Variants in WDFY4 observed in about 807,000 individuals in gnomAD.
The protein encoded by WDFY4 is WD repeat- and FYVE domain-containing protein 4.
WDFY4 carries 169 observed loss-of-function variants against 351.9 expected under a neutral mutation model. That is an observed-to-expected ratio of 0.48 (90% CI 0.42 to 0.55). The LOEUF (loss-of-function observed/expected upper bound fraction) is 0.55. Ranked by LOEUF, WDFY4 falls within the 20% of genes least tolerant of loss-of-function variation. The pLI is 0.00. For missense variants in WDFY4, 3,803 were observed against 3,935.6 expected, an observed-to-expected ratio of 0.97 and a Z score of 0.90; for synonymous variants, 1,622 against 1,574.6, an observed-to-expected ratio of 1.03 and a Z score of -0.71.
chr10:48,836,325 C>A (rs767299856), intron 39 of WDFY4, among the ~76,000 whole-genome samples: 2 of 152,172 alleles, frequency 1.3e-5, no homozygotes, highest in African/African-American at 4.8e-5. Flanking sequence ...AATATGCCCA[C>A]ATCATTAGTC....
At position 48,832,603 on chromosome 10, in the gene WDFY4, C is replaced by T; in HGVS notation, c.6557C>T (p.Ser2186Leu). The T allele has an allele frequency of 6.5e-7, 1 of 1,548,856 alleles. No homozygotes were observed. The highest frequency in any genetic ancestry group is 8.7e-7 in the Non-Finnish European group (1 of 1,145,212). The change falls in exon 39 of 62, where the codon TCA (serine) becomes TTA (leucine). Residue 2186 changes from serine (S) to leucine (L), a missense_variant. Transcript: ENST00000325239. Reference protein sequence around the residue: ...ASEKKSLASRSNVAHHSKVTL... With the variant: ...ASEKKSLASRLNVAHHSKVTL... ...GAGAAGAAGTCACTGGCAAGTCGTT[C>T]AAATGTTGCACACCACAGCAAAGTC...
chr10:48,785,672 C>T (rs1485123926), intron 19 of WDFY4, among the ~76,000 whole-genome samples: 1 of 152,132 alleles, frequency 6.6e-6, no homozygotes, highest in Non-Finnish European at 1.5e-5. Flanking sequence ...TCTGGGTTCT[C>T]TATTCTGTTC....
chr10:48,686,040 G>A (rs2063037095), intron 1 of WDFY4, among the ~76,000 whole-genome samples: 1 of 152,078 alleles, frequency 6.6e-6, no homozygotes. Context: ...GGAGGTTGGT[G>A]TGGCAGAGCC....
At chr10:48,952,733 G>C (rs1841387883) in intron 51 of WDFY4, among the ~76,000 whole-genome samples, 1 of 152,064 alleles carries the variant, frequency 6.6e-6, no homozygotes, top group Non-Finnish European at 1.5e-5. Flanking sequence ...ATTTAGAAAA[G>C]AGCCACCACC....
At chr10:48,710,870 T>C (rs1275091524) in intron 2 of WDFY4, among the ~76,000 whole-genome samples, 1 of 152,212 alleles carries the variant, frequency 6.6e-6, no homozygotes, top group Non-Finnish European at 1.5e-5. Flanking sequence ...ATTTCCTTTG[T>C]TATCTGGGAG....
intron 31 of WDFY4, 57 bp downstream of exon 31, chr10:48,814,139 G>A: frequency 6.8e-7 from 1 of 1,463,242 alleles, no homozygotes; most frequent in Non-Finnish European, 9.1e-7. Flanking sequence ...AGGCCAGTTT[G>A]GAAGGGTCAC....
intron 23 of WDFY4, among the ~76,000 whole-genome samples, chr10:48,794,563 T>C (rs1019657435): frequency 2.6e-5 from 4 of 151,830 alleles, no homozygotes; most frequent in African/African-American, 9.7e-5. Flanking sequence ...AAAAAGAAGC[T>C]GTACAGAGAG....
At chr10:48,732,344 C>A (rs116414039) in intron 9 of WDFY4, among the ~76,000 whole-genome samples, 1,683 of 152,284 alleles carry the variant, frequency 0.011, 33 homozygotes, top group African/African-American at 0.038. Context: ...TCTGTCTACA[C>A]CTGCTGCTCT....
At chr10:48,866,244 G>T (rs150821627) in intron 39 of WDFY4, among the ~76,000 whole-genome samples, 22 of 151,564 alleles carry the variant, frequency 1.5e-4, no homozygotes, top group Non-Finnish European at 2.9e-4. Flanking sequence ...TTTCCTTTAT[G>T]CTCTTCTTTA....
At chr10:48,913,877 G>A in intron 47 of WDFY4, 1 of 1,614,140 alleles carries the variant, frequency 6.2e-7, no homozygotes, top group Non-Finnish European at 8.5e-7. Context: ...TGGTCATCTG[G>A]CCAATGGACT....
intron 60 of WDFY4, among the ~76,000 whole-genome samples, chr10:48,979,175 A>G (rs1842703013): frequency 2.0e-5 from 3 of 152,192 alleles, no homozygotes; most frequent in Admixed American, 2.0e-4. Flanking sequence ...AAGATCAATA[A>G]TATCACAAAG....
chr10:48,745,273 G>A (rs2064975058), intron 12 of WDFY4, among the ~76,000 whole-genome samples: 1 of 152,192 alleles, frequency 6.6e-6, no homozygotes, highest in Non-Finnish European at 1.5e-5. Context: ...CTATCAAGGT[G>A]AGAGAAGGTG....
intron 19 of WDFY4, among the ~76,000 whole-genome samples, chr10:48,784,381 T>A (rs2066325945): frequency 6.6e-6 from 1 of 152,186 alleles, no homozygotes; most frequent in Admixed American, 6.5e-5. Flanking sequence ...GATAGTTGTG[T>A]AGTAATATCT....
chr10:48,920,856 A>G (rs1839010686), intron 47 of WDFY4, among the ~76,000 whole-genome samples: 1 of 152,236 alleles, frequency 6.6e-6, no homozygotes, highest in Non-Finnish European at 1.5e-5. Context: ...GCATTTCCAT[A>G]TTACTAGCTA....
At position 48,813,297 on chromosome 10, in the gene WDFY4, A is replaced by T. The variant is rs189753614; in HGVS notation, c.5215-660A>T. On this transcript the variant is annotated intron_variant, in intron 30 of 61. Coordinates refer to ENST00000325239, the MANE Select transcript of WDFY4 (RefSeq NM_001394531.1). ...TATTGACATATGCTAATAGCATTGT[A>T]TATTACACTTCAAAATAAAGTTTTT... 2.8e-3 allele frequency among the ~76,000 whole-genome samples: 425 copies of T among 152,342 alleles called. 2 individuals carry two copies. Among genetic ancestry groups the T allele is most frequent in the African/African-American group, 9.5e-3 (396 of 41,578 alleles).
rs1842593936 is a variant in WDFY4 at position 48,976,933 on chromosome 10, A to T, written c.9245A>T (p.Asp3082Val). 2.2e-5 allele frequency: 33 copies of T among 1,522,464 alleles called. No individual in the cohort carries two copies. Among genetic ancestry groups the T allele is most frequent in the Non-Finnish European group, 2.9e-5 (33 of 1,130,822 alleles). 94.3% of individuals were successfully genotyped at this position (1,522,464 alleles called of 1,614,324 possible). A position where few individuals can be genotyped will look rare whatever the true frequency, so the allele number is the denominator to read the frequency against. ...CCCLMEGPAW[D>V]TSQIIITGSQ... ...TGCCTGATGGAGGGCCCAGCATGGG[A>T]CACAAGCCAGATCATCATCACCGGG... Residue 3082 changes from aspartate to valine, a missense_variant, in exon 59 of 62, where the codon GAC becomes GTC. Around this residue, in one of 3 missense-constraint regions of WDFY4, gnomAD observed 3,054 missense variants for 3,148.6 expected, o/e 0.97. Transcript: ENST00000325239.
chr10:48,752,234 G>C (rs772138320), intron 12 of WDFY4, among the ~76,000 whole-genome samples: 1 of 152,194 alleles, frequency 6.6e-6, no homozygotes, highest in Non-Finnish European at 1.5e-5. Flanking sequence ...CAAAAATATA[G>C]TTGTGTAAAC....
intron 47 of WDFY4, among the ~76,000 whole-genome samples, chr10:48,903,259 T>C (rs756803265): frequency 2.0e-5 from 3 of 152,168 alleles, no homozygotes; most frequent in Non-Finnish European, 1.5e-5. Flanking sequence ...GGATAGTTGG[T>C]GCAAGATTCT....
intron 2 of WDFY4, among the ~76,000 whole-genome samples, chr10:48,711,768 T>C (rs1276068520): frequency 6.6e-6 from 1 of 152,172 alleles, no homozygotes; most frequent in Non-Finnish European, 1.5e-5. Context: ...AATAGCACAC[T>C]GTGTATTTCA....
Sources: allele counts gnomAD v4.1 joint callset (sites outside exome capture counted in the v4.1 genomes callset), GRCh38; gene constraint gnomAD v4.1.1; regional missense constraint gnomAD v4.1.1; transcripts MANE v1.5; gene names NCBI Gene and HGNC (gene_info 2026-07-23, HGNC 2026-07-21).